TAF8: variants seen among roughly 807,000 people sequenced by gnomAD.
TAF8 encodes the protein transcription initiation factor TFIID subunit 8.
TAF8 carries 47 observed loss-of-function variants against 36.5 expected under a neutral mutation model. That is an observed-to-expected ratio of 1.29 (90% CI 1.02 to 1.64). The LOEUF (loss-of-function observed/expected upper bound fraction) is 1.64. TAF8 is among the 40% of genes most tolerant of loss of function. The probability of loss-of-function intolerance (pLI) is 0.00; values close to 1 mark genes in which losing one functional copy is unlikely to be tolerated. For missense variants in TAF8, 420 were observed against 407.6 expected, an observed-to-expected ratio of 1.03 and a Z score of -0.26; for synonymous variants, 175 against 159.5, an observed-to-expected ratio of 1.10 and a Z score of -0.73.
At chr6:42,068,419 G>C in intron 6 of TAF8, 46 bp from the exon 7 acceptor site, 2 of 1,610,824 alleles carry the variant, frequency 1.2e-6, no homozygotes, top group Middle Eastern at 1.7e-4. Context: ...AGCCAGCTGC[G>C]AGGTCTCTGT....
chr6:42,083,629 G>C (rs1036598869), downstream of TAF8, among the ~76,000 whole-genome samples: 1 of 152,150 alleles, frequency 6.6e-6, no homozygotes, highest in Admixed American at 6.5e-5. Flanking sequence ...AAGTGTGTGT[G>C]TATCAGCTGG....
chr6:42,065,722 A>T (rs906557555), intron 5 of TAF8, among the ~76,000 whole-genome samples: 1 of 152,192 alleles, frequency 6.6e-6, no homozygotes, highest in Non-Finnish European at 1.5e-5. Flanking sequence ...ACCCGAGACC[A>T]TCTGTCATGG....
Position 42,055,635 on chromosome 6 carries a change from T to G in TAF8, c.301+6T>G. On this transcript the variant is annotated splice_donor_region_variant and intron_variant, in intron 3 of 8. Coordinates refer to ENST00000372977, the MANE Select transcript of TAF8 (RefSeq NM_138572.3). ...GGTCACACTTGTTGAGATGGGTGAGTATACCTTCAGTTTCCAGTTCTTCGA... is the reference window on the plus strand; with the variant it reads ...GGTCACACTTGTTGAGATGGGTGAGGATACCTTCAGTTTCCAGTTCTTCGA... The G allele has an allele frequency of 6.2e-7, 1 of 1,610,142 alleles. No individual in the cohort carries two copies. The highest frequency in any genetic ancestry group is 8.5e-7 in the Non-Finnish European group (1 of 1,176,358).
In TAF8 at chr6:42,066,450, A is replaced by G. The variant is rs886522375; in HGVS notation, c.628A>G (p.Thr210Ala). ...TQSLFKDDVS[T>A]FPLIAARPFT... ...GAGTCTTTTCAAAGATGACGTCAGC[A>G]CATTTCCATGTGAGAGTTGCCCCAC... Residue 210 changes from threonine to alanine, a missense_variant, in exon 6 of 9, where the codon ACA becomes GCA. Physicochemically the swap from Thr to Ala is moderately conservative, Grantham distance 58. Transcript: ENST00000372977. The G allele has an allele frequency of 1.2e-6, 2 of 1,614,052 alleles. No individual in the cohort carries two copies. The highest frequency in any genetic ancestry group is 1.7e-6 in the Non-Finnish European group (2 of 1,180,008).
At chr6:42,055,372 T>C (rs957502682) in intron 2 of TAF8, among the ~76,000 whole-genome samples, 159 bp from the exon 3 acceptor site, 1 of 152,262 alleles carries the variant, frequency 6.6e-6, no homozygotes, top group Admixed American at 6.5e-5. Flanking sequence ...CTGTGAATCA[T>C]GCTGCTGTGA....
At position 42,055,968 on chromosome 6, in the gene TAF8, TCTC is replaced by T; in HGVS notation, c.320_322del (p.Leu107del). 3 of 1,613,094 alleles carry T rather than the reference TCTC, an allele frequency of 1.9e-6. No homozygotes were observed. Among genetic ancestry groups the T allele is most frequent in the Non-Finnish European group, 2.5e-6 (3 of 1,179,002 alleles). On this transcript the variant is annotated inframe_deletion, in exon 4 of 9. Transcript: ENST00000372977. Reference sequence around the variant, plus strand: ...GTCTCTTAGGTTTCAATGTGGACACTCTCCCTGCTTATGCAAAACGGTCTCAGA... The same window carrying T: ...GTCTCTTAGGTTTCAATGTGGACACTCCTGCTTATGCAAAACGGTCTCAGA...
rs767483326 is a variant in TAF8, at chr6:42,051,409, G to A, written c.98G>A (p.Arg33Gln). ...TNPADNYHLARRRTLQVVVSS... is the reference protein window; with the variant it reads ...TNPADNYHLAQRRTLQVVVSS... ...CCTGCCGATAACTATCATCTGGCCC[G>A]GAGGAGAACCCTGCAGGTGGTTGTG... The change falls in exon 2 of 9, where the codon CGG (arginine) becomes CAG (glutamine). Residue 33 changes from arginine to glutamine, a missense_variant. Physicochemically the swap from Arg to Gln is conservative, Grantham distance 43. Transcript: ENST00000372977. The A allele has an allele frequency of 4.3e-6, 7 of 1,614,022 alleles. No individual in the cohort carries two copies. Among genetic ancestry groups the A allele is most frequent in the South Asian group, 2.2e-5 (2 of 91,086 alleles).
At chr6:42,075,167 C>A (rs1765700846) in intron 7 of TAF8, among the ~76,000 whole-genome samples, 1 of 152,194 alleles carries the variant, frequency 6.6e-6, no homozygotes, top group African/African-American at 2.4e-5. Context: ...GGAGATACTA[C>A]TCATTTGTAC....
intron 2 of TAF8, chr6:42,051,726 T>A (rs1358646971): frequency 2.7e-6 from 1 of 368,830 alleles, no homozygotes; most frequent in Admixed American, 4.3e-5. Context: ...TTTAGGAGGC[T>A]GAGGCGGGTG....
Position 42,050,533 on chromosome 6 carries a change from C to G in TAF8, c.-9C>G. On this transcript the variant is annotated 5_prime_UTR_variant, in exon 1 of 9. Coordinates refer to ENST00000372977, the MANE Select transcript of TAF8 (RefSeq NM_138572.3). Reference sequence around the variant, plus strand: ...CGCCCCGCGCTCGCGCACACTACGCCAGAACAAGATGGCCGACGCGGCGGC... The same window carrying G: ...CGCCCCGCGCTCGCGCACACTACGCGAGAACAAGATGGCCGACGCGGCGGC... The G allele has an allele frequency of 2.6e-6, 4 of 1,553,522 alleles. No homozygotes were observed. The highest frequency in any genetic ancestry group is 3.5e-6 in the Non-Finnish European group (4 of 1,148,742).
intron 7 of TAF8, 83 bp downstream of exon 7, chr6:42,068,690 A>G (rs965382089): frequency 2.6e-6 from 4 of 1,546,098 alleles, no homozygotes; most frequent in Admixed American, 3.4e-5. Flanking sequence ...GGACCTGGAC[A>G]TGATCGACCT....
At chr6:42,058,703 T>G (rs1296678011) in intron 5 of TAF8, among the ~76,000 whole-genome samples, 1 of 152,156 alleles carries the variant, frequency 6.6e-6, no homozygotes, top group African/African-American at 2.4e-5. Context: ...ATTAGTTTCC[T>G]GGGCTGCTGT....
At chr6:42,071,645 T>TA (rs1765581794) in intron 7 of TAF8, among the ~76,000 whole-genome samples, 1 of 151,820 alleles carries the variant, frequency 6.6e-6, no homozygotes, top group African/African-American at 2.4e-5. Context: ...TTTTTTTTTT[T>TA]AAATATTGAA....
chr6:42,077,803 T>G lies in TAF8; in HGVS notation c.*258T>G. 3 of 1,260,654 alleles carry G rather than the reference T, an allele frequency of 2.4e-6. No homozygotes were observed. Among genetic ancestry groups the G allele is most frequent in the Non-Finnish European group, 3.1e-6 (3 of 973,676 alleles). 78.1% of individuals were successfully genotyped at this position (1,260,654 alleles called of 1,614,324 possible). ...TGGAGTCTTACTCTATCACCCAGGC[T>G]GGAATGCAGTGGTGTGATCTCAGCT... On this transcript the variant is annotated 3_prime_UTR_variant, in exon 9 of 9. Transcript: ENST00000372977.
At chr6:42,066,670 C>G (rs537416425) in intron 6 of TAF8, among the ~76,000 whole-genome samples, 2 of 152,258 alleles carry the variant, frequency 1.3e-5, no homozygotes, top group African/African-American at 4.8e-5. Flanking sequence ...TTGGGACTGG[C>G]TGCTTGAGGT....
At position 42,051,617 on chromosome 6, in the gene TAF8, TAAGAG is replaced by T. The variant is rs1031678330; in HGVS notation, c.202+105_202+109del. 2.8e-6 allele frequency: 4 copies of T among 1,411,102 alleles called. No homozygotes were observed. In the African/African-American group the frequency reaches 5.7e-5, roughly 20 times the overall value. The allele number at this position is 1,411,102 out of a possible 1,614,324, so 87.4% of individuals were successfully genotyped here. A position where few individuals can be genotyped will look rare whatever the true frequency, so the allele number is the denominator to read the frequency against. On this transcript the variant is annotated intron_variant, in intron 2 of 8. Coordinates refer to ENST00000372977, the MANE Select transcript of TAF8 (RefSeq NM_138572.3). Reference sequence around the variant, plus strand: ...GGATTTAAGAAACAAACTTTTTTCTTAAGAGGGGAGAAAAAAAATTTTTTTTAATG... The same window carrying T: ...GGATTTAAGAAACAAACTTTTTTCTTGGGAGAAAAAAAATTTTTTTTAATG...
At chr6:42,072,477 T>C in intron 7 of TAF8, among the ~76,000 whole-genome samples, 1 of 152,204 alleles carries the variant, frequency 6.6e-6, no homozygotes, top group Non-Finnish European at 1.5e-5. Flanking sequence ...GAGACATTTT[T>C]TTAAATTGTT....
chr6:42,086,594 C>T (rs1766031560), downstream of TAF8: 2 of 943,954 alleles, frequency 2.1e-6, no homozygotes, highest in African/African-American at 1.6e-5. Flanking sequence ...TAAATCATCA[C>T]AAGCAGCTCC....
At chr6:42,073,496 C>T (rs1765650672) in intron 7 of TAF8, among the ~76,000 whole-genome samples, 1 of 152,044 alleles carries the variant, frequency 6.6e-6, no homozygotes, top group Admixed American at 6.6e-5. Context: ...GGGGAAGATC[C>T]AGGGTGAGGA....
Sources: gnomAD v4.1 joint callset for allele counts (sites outside exome capture counted in the v4.1 genomes callset) on GRCh38, gnomAD v4.1.1 for gene constraint, MANE v1.5 for transcripts, NCBI Gene and HGNC (gene_info 2026-07-23, HGNC 2026-07-21) for gene names.